The following SC5D variants were observed in gnomAD, a reference collection of about 807,000 sequenced individuals.
SC5D encodes the protein sterol-C5-desaturase.
Under a neutral mutation model 23.9 loss-of-function variants are expected in SC5D, and 21 were observed. The ratio of observed to expected loss-of-function variants is 0.88; its 90% CI spans 0.62 to 1.26. The LOEUF is 1.26. SC5D is among the 50% of genes most tolerant of loss of function. The pLI is 0.00. For missense variants in SC5D, 309 were observed against 364.8 expected (o/e 0.85, Z 1.25); for synonymous variants, 113 against 125.9 (o/e 0.90, Z 0.68).
Position 121,309,474 on chromosome 11 carries a change from T to G in SC5D, c.*1962T>G, listed in dbSNP as rs1947993259. On this transcript the variant is annotated 3_prime_UTR_variant, in exon 5 of 5. Transcript: ENST00000264027. ...GCTAGACAGTTTGCCGTATTTGTGG[T>G]GTTCTCCTCTTGTTGATGTTGAAAT... is the stretch of plus-strand genomic sequence containing the variant. 6.6e-6 allele frequency among the ~76,000 whole-genome samples: 1 copy of G among 152,176 alleles called. No individual in the cohort carries two copies. The highest frequency in any genetic ancestry group is 1.5e-5 in the Non-Finnish European group (1 of 68,034).
At position 121,303,528 on chromosome 11, in the gene SC5D, A is replaced by T; in HGVS notation, c.153A>T (p.Thr51=). Residue 51 remains threonine, a synonymous_variant, in exon 2 of 5, where the codon ACA becomes ACT. Transcript: ENST00000264027. The stretch of plus-strand genomic sequence containing the variant: ...ACATCCTTTATTTCTTCTGTGCAAC[A>T]CTGAGCTATTATTTTGTCTTCGATC... The part of the protein sequence containing the change: ...GAYILYFFCA[T]LSYYFVFDHA... 1.2e-6 allele frequency: 2 copies of T among 1,614,032 alleles called. No individual in the cohort carries two copies. Among genetic ancestry groups the T allele is most frequent in the Non-Finnish European group, 1.7e-6 (2 of 1,179,970 alleles).
At chr11:121,306,577 T>C (rs188045890) in intron 4 of SC5D, 91 bp downstream of exon 4, 37 of 749,152 alleles carry the variant, frequency 4.9e-5, no homozygotes, top group Middle Eastern at 2.3e-4. Flanking sequence ...AAGAATTTCC[T>C]CTACCCATAT....
intron 3 of SC5D, chr11:121,304,850 T>C (rs1266573480): frequency 1.2e-5 from 3 of 259,352 alleles, no homozygotes; most frequent in African/African-American, 4.5e-5. Flanking sequence ...TGCATTATTC[T>C]GCTTCTTAGA....
chr11:121,312,118 GGCCAGTCTACAA>G lies in SC5D; in HGVS notation c.*4608_*4619del, dbSNP rs1948015404. Among the ~76,000 whole-genome samples the G allele has an allele frequency of 6.6e-6, 1 of 152,028 alleles. No individual in the cohort carries two copies. The highest frequency in any genetic ancestry group is 1.5e-5 in the Non-Finnish European group (1 of 67,994). On this transcript the variant is annotated 3_prime_UTR_variant, in exon 5 of 5. Coordinates refer to ENST00000264027, the MANE Select transcript of SC5D (RefSeq NM_006918.5). ...TGTTTTTATATTGCTAAAACCATAA[GGCCAGTCTACAA>G]GGTTTGTAGATAAAATAGAAACATA...
At chr11:121,303,783 A>G in intron 2 of SC5D, 198 bp downstream of exon 2, 1 of 559,816 alleles carries the variant, frequency 1.8e-6, no homozygotes, top group Non-Finnish European at 3.2e-6. Context: ...TAACTTTTTA[A>G]TAAAACTATA....
chr11:121,311,824 C>T lies in SC5D; in HGVS notation c.*4312C>T, dbSNP rs1217199884. Among the ~76,000 whole-genome samples, 1 of 152,156 alleles carries T rather than the reference C, an allele frequency of 6.6e-6. No individual in the cohort carries two copies. The highest frequency in any genetic ancestry group is 2.4e-5 in the African/African-American group (1 of 41,442). ...TTGTTCATGTAAATTGTGCTTGATG[C>T]TTTTTCTTTCTAGATTCAATGATTA... On this transcript the variant is annotated 3_prime_UTR_variant, in exon 5 of 5. Coordinates refer to ENST00000264027, the MANE Select transcript of SC5D (RefSeq NM_006918.5).
At chr11:121,297,224 C>T (rs1947895649) in intron 1 of SC5D, among the ~76,000 whole-genome samples, 1 of 152,224 alleles carries the variant, frequency 6.6e-6, no homozygotes, top group Non-Finnish European at 1.5e-5. Context: ...AACTCTTTCG[C>T]TCAGCTCTTC....
At chr11:121,303,695 T>C (rs1234927905) in intron 2 of SC5D, 110 bp downstream of exon 2, 3 of 862,352 alleles carry the variant, frequency 3.5e-6, no homozygotes, top group African/African-American at 3.4e-5. Context: ...AAATAAAATT[T>C]TGGAGACCAA....
chr11:121,301,164 G>C (rs1037419124), intron 1 of SC5D, among the ~76,000 whole-genome samples: 1 of 152,128 alleles, frequency 6.6e-6, no homozygotes, highest in African/African-American at 2.4e-5. Flanking sequence ...AGAAAGCCCA[G>C]ATGTTGGACT....
At chr11:121,295,435 G>A (rs1005146606) in intron 1 of SC5D, among the ~76,000 whole-genome samples, 6 of 152,180 alleles carry the variant, frequency 3.9e-5, no homozygotes, top group Admixed American at 2.6e-4. Context: ...ATTTCGTCTG[G>A]CTCAGTGAAT....
At chr11:121,299,377 A>C (rs1243289513) in intron 1 of SC5D, among the ~76,000 whole-genome samples, 2 of 152,252 alleles carry the variant, frequency 1.3e-5, no homozygotes, top group Non-Finnish European at 2.9e-5. Flanking sequence ...ATATACATGC[A>C]CAAGTATTTA....
intron 1 of SC5D, among the ~76,000 whole-genome samples, chr11:121,294,127 C>T (rs1427465691): frequency 6.6e-6 from 1 of 152,128 alleles, no homozygotes; most frequent in Non-Finnish European, 1.5e-5. Context: ...TTGTTCTAAG[C>T]CTAATATTGT....
chr11:121,299,923 C>A (rs1305867677), intron 1 of SC5D, among the ~76,000 whole-genome samples: 1 of 152,074 alleles, frequency 6.6e-6, no homozygotes, highest in African/African-American at 2.4e-5. Context: ...TAAAAAAGAA[C>A]CAAAACCCCC....
chr11:121,307,017 G>A (rs1421252198), intron 4 of SC5D, 40 bp from the exon 5 acceptor site: 5 of 1,546,800 alleles, frequency 3.2e-6, no homozygotes, highest in Admixed American at 1.7e-5. Flanking sequence ...GTTGCACGGG[G>A]TAAAGTTTGC....
chr11:121,308,993 G>A lies in SC5D; in HGVS notation c.*1481G>A, dbSNP rs899815958. 6.6e-6 allele frequency among the ~76,000 whole-genome samples: 1 copy of A among 152,166 alleles called. No individual in the cohort carries two copies. Among genetic ancestry groups the A allele is most frequent in the Admixed American group, 6.5e-5 (1 of 15,278 alleles). On this transcript the variant is annotated 3_prime_UTR_variant, in exon 5 of 5. Transcript: ENST00000264027. The stretch of plus-strand genomic sequence containing the variant: ...CAATCCCACTCACCCCCGGTGCTCC[G>A]CCTTGCCTAAGAAAAAGAAATTAAG...
In SC5D at chr11:121,303,627, A is replaced by C. The variant is rs752020802; in HGVS notation, c.210+42A>C. 5.9e-5 allele frequency: 86 copies of C among 1,447,274 alleles called. 1 individual carries two copies. In the African/African-American group the frequency reaches 1.0e-3, roughly 17 times the overall value. The allele number at this position is 1,447,274 out of a possible 1,614,324, so 89.7% of individuals were successfully genotyped here. On this transcript the variant is annotated intron_variant, in intron 2 of 4. Transcript: ENST00000264027. Reference sequence around the variant, plus strand: ...CCTATTTTCTAACGATTAAAGTAAAAATAACAATATGATATATTTCTGAGA... The same window carrying C: ...CCTATTTTCTAACGATTAAAGTAAACATAACAATATGATATATTTCTGAGA...
At chr11:121,295,191 C>G (rs1378387241) in intron 1 of SC5D, among the ~76,000 whole-genome samples, 1 of 152,148 alleles carries the variant, frequency 6.6e-6, no homozygotes, top group East Asian at 1.9e-4. Context: ...AAGGATTCAC[C>G]CGTGACACAG....
rs770986028 is a variant in SC5D at position 121,306,481 on chromosome 11, T to C, written c.439T>C (p.Tyr147His). Reference protein sequence around the residue: ...IHRGLHHRLVYKRLHKPHHIW... With the variant: ...IHRGLHHRLVHKRLHKPHHIW... ...CAGAGGCCTTCATCATAGACTGGTATATAAGGTAAAGTCATTTGTGGTGAA... is the reference window on the plus strand; with the variant it reads ...CAGAGGCCTTCATCATAGACTGGTACATAAGGTAAAGTCATTTGTGGTGAA... The change falls in exon 4 of 5, where the codon TAT (tyrosine) becomes CAT (histidine). Residue 147 changes from tyrosine (Y) to histidine (H), a missense_variant. Transcript: ENST00000264027. 2 of 1,431,468 alleles carry C rather than the reference T, an allele frequency of 1.4e-6. No individual in the cohort carries two copies. Among genetic ancestry groups the C allele is most frequent in the East Asian group, 2.3e-5 (1 of 43,872 alleles). The allele number at this position is 1,431,468 out of a possible 1,614,324, so 88.7% of individuals were successfully genotyped here. A position where few individuals can be genotyped will look rare whatever the true frequency, so the allele number is the denominator to read the frequency against.
intron 1 of SC5D, among the ~76,000 whole-genome samples, chr11:121,298,196 A>G (rs970920851): frequency 2.6e-5 from 4 of 152,132 alleles, no homozygotes; most frequent in Admixed American, 6.5e-5. Context: ...ATGGGATTTC[A>G]GTATATTGCC....
Sources: gnomAD v4.1 joint callset for allele counts (sites outside exome capture counted in the v4.1 genomes callset) on GRCh38, gnomAD v4.1.1 for gene constraint, MANE v1.5 for transcripts, NCBI Gene and HGNC (gene_info 2026-07-23, HGNC 2026-07-21) for gene names.